Variants in CLDN20 observed in about 807,000 individuals in gnomAD.
CLDN20 encodes the protein claudin-20.
For synonymous variants in CLDN20, 104 were observed against 103.6 expected, an observed-to-expected ratio of 1.00 and a Z score of -0.03; for missense variants, 258 against 267.9, an observed-to-expected ratio of 0.96 and a Z score of 0.26.
In CLDN20 at chr6:155,275,632, C is replaced by A; in HGVS notation, c.-88C>A. On this transcript the variant is annotated 5_prime_UTR_variant, in exon 2 of 2. Coordinates refer to ENST00000367165, the MANE Select transcript of CLDN20 (RefSeq NM_001001346.3). Reference sequence around the variant, plus strand: ...TTTCCTTAGGCTTTGTTATTTGGTTCTCTACTGCACAGAAATAGATAGAAT... The same window carrying A: ...TTTCCTTAGGCTTTGTTATTTGGTTATCTACTGCACAGAAATAGATAGAAT... 1 of 1,305,436 alleles carries A rather than the reference C, an allele frequency of 7.7e-7. No individual in the cohort carries two copies. The highest frequency in any genetic ancestry group is 1.1e-6 in the Non-Finnish European group (1 of 939,832). 80.9% of individuals were successfully genotyped at this position (1,305,436 alleles called of 1,614,324 possible). A position where few individuals can be genotyped will look rare whatever the true frequency, so the allele number is the denominator to read the frequency against.
chr6:155,267,803 AAGTTC>A (rs1784729829), intron 1 of CLDN20, among the ~76,000 whole-genome samples: 1 of 152,238 alleles, frequency 6.6e-6, no homozygotes, highest in African/African-American at 2.4e-5. Flanking sequence ...CAGCCAAGAA[AAGTTC>A]AGTTTGAAGG....
intron 1 of CLDN20, among the ~76,000 whole-genome samples, chr6:155,272,516 C>T (rs1183236377): frequency 6.6e-6 from 1 of 151,752 alleles, no homozygotes; most frequent in African/African-American, 2.4e-5. Flanking sequence ...CACAGTATTT[C>T]TCTACCACCA....
intron 1 of CLDN20, among the ~76,000 whole-genome samples, chr6:155,270,030 G>C (rs1784850628): frequency 6.6e-6 from 1 of 152,228 alleles, no homozygotes. Context: ...CAGAAGAGGA[G>C]CTCAGAGGTG....
In CLDN20 at chr6:155,273,221, G is replaced by C. The variant is rs1351677894; in HGVS notation, c.-104-2395G>C. Among the ~76,000 whole-genome samples, 6 of 152,174 alleles carry C rather than the reference G, an allele frequency of 3.9e-5. No individual in the cohort carries two copies. In the East Asian group the frequency reaches 1.2e-3, roughly 29 times the overall value. On this transcript the variant is annotated intron_variant, in intron 1 of 1. Transcript: ENST00000367165. ...TATTTTGGTCTAAGTTTGGAAAACAGAAAAGAAACTGTATGATAGCAGGTG... is the reference window on the plus strand; with the variant it reads ...TATTTTGGTCTAAGTTTGGAAAACACAAAAGAAACTGTATGATAGCAGGTG...
intron 1 of CLDN20, among the ~76,000 whole-genome samples, chr6:155,273,317 T>C (rs775536078): frequency 2.0e-5 from 3 of 152,230 alleles, no homozygotes; most frequent in Non-Finnish European, 2.9e-5. Flanking sequence ...GAAATCCTTT[T>C]CTAAAATGGT....
intron 1 of CLDN20, among the ~76,000 whole-genome samples, chr6:155,271,150 A>G (rs1332671573): frequency 6.6e-6 from 1 of 152,276 alleles, no homozygotes; most frequent in East Asian, 1.9e-4. Flanking sequence ...AAATGATTAA[A>G]GTCTAACATG....
intron 1 of CLDN20, among the ~76,000 whole-genome samples, chr6:155,267,381 T>C (rs951762787): frequency 6.6e-6 from 1 of 152,238 alleles, no homozygotes; most frequent in Non-Finnish European, 1.5e-5. Flanking sequence ...AATGTTTTAT[T>C]TGGGAAGCAA....
In CLDN20 at chr6:155,276,158, T is replaced by C. The variant is rs1427595601; in HGVS notation, c.439T>C (p.Phe147Leu). ...VWYTKEIIAN[F>L]LDLTVPESNK... is the part of the protein sequence containing the mutation. ...GTACACAAAGGAGATCATAGCAAAC[T>C]TTCTGGATCTGACAGTTCCAGAAAG... is the stretch of plus-strand genomic sequence containing the variant. Residue 147 changes from phenylalanine to leucine, a missense_variant, in exon 2 of 2, where the codon TTT (phenylalanine) becomes CTT (leucine). Coordinates refer to ENST00000367165, the MANE Select transcript of CLDN20 (RefSeq NM_001001346.3). 3 of 1,614,176 alleles carry C rather than the reference T, an allele frequency of 1.9e-6. No individual in the cohort carries two copies. In the East Asian group the frequency reaches 6.7e-5, roughly 36 times the overall value.
At chr6:155,274,167 C>G (rs961145569) in intron 1 of CLDN20, among the ~76,000 whole-genome samples, 2 of 152,206 alleles carry the variant, frequency 1.3e-5, no homozygotes, top group African/African-American at 4.8e-5. Context: ...GCCTGTATCA[C>G]CTTTTGTAAA....
In CLDN20 at chr6:155,269,601, T is replaced by C. The variant is rs143038263; in HGVS notation, c.-105+5313T>C. On this transcript the variant is annotated intron_variant, in intron 1 of 1. Coordinates refer to ENST00000367165, the MANE Select transcript of CLDN20 (RefSeq NM_001001346.3). ...CCTCCCAAAGTGTTGGGATTACAGG[T>C]GTGAGCCACCACGCCCGGCCAGTTT... 1.4e-3 allele frequency among the ~76,000 whole-genome samples: 213 copies of C among 152,186 alleles called. 1 individual carries two copies. Among genetic ancestry groups the C allele is most frequent in the African/African-American group, 4.9e-3 (203 of 41,504 alleles).
chr6:155,274,097 G>T (rs79829021), intron 1 of CLDN20, among the ~76,000 whole-genome samples: 1 of 152,258 alleles, frequency 6.6e-6, no homozygotes, highest in East Asian at 1.9e-4. Flanking sequence ...TCCAGAAGAG[G>T]ATACTGAGGC....
rs112181141 is a variant in CLDN20, at chr6:155,275,999, G to A, written c.280G>A (p.Gly94Arg). 734 of 1,614,166 alleles carry A rather than the reference G, an allele frequency of 4.5e-4. 5 individuals carry two copies. The African/African-American group carries it at 8.5e-3, about 19-fold the overall frequency. Residue 94 changes from glycine to arginine, a missense_variant, in exon 2 of 2, where the codon GGG becomes AGG. Transcript: ENST00000367165. ...CCTGGCGTGTGTTCTGTCTGCTTTG[G>A]GGATCTGCACTTCCACAGTAGGAAT... The part of the protein sequence containing the change: ...MVLACVLSAL[G>R]ICTSTVGMKC...
At chr6:155,275,081 C>G (rs1331457831) in intron 1 of CLDN20, among the ~76,000 whole-genome samples, 4 of 151,704 alleles carry the variant, frequency 2.6e-5, no homozygotes, top group Non-Finnish European at 2.9e-5. Context: ...AAAAAATTAG[C>G]CGGGCATGGT....
intron 1 of CLDN20, among the ~76,000 whole-genome samples, chr6:155,274,463 A>G (rs1425417631): frequency 6.6e-6 from 1 of 152,226 alleles, no homozygotes; most frequent in African/African-American, 2.4e-5. Flanking sequence ...ATCCTTTCAC[A>G]TACAACTAAT....
chr6:155,273,150 G>A (rs999668781), intron 1 of CLDN20, among the ~76,000 whole-genome samples: 8 of 152,172 alleles, frequency 5.3e-5, no homozygotes, highest in African/African-American at 1.2e-4. Context: ...TTACAAAACT[G>A]TAAACATGTG....
At chr6:155,274,966 C>A (rs1359676265) in intron 1 of CLDN20, among the ~76,000 whole-genome samples, 1 of 152,164 alleles carries the variant, frequency 6.6e-6, no homozygotes, top group Non-Finnish European at 1.5e-5. Context: ...CGCCTGTAAT[C>A]CCAGCACTTC....
At chr6:155,268,956 A>C (rs1015931337) in intron 1 of CLDN20, among the ~76,000 whole-genome samples, 1 of 136,152 alleles carries the variant, frequency 7.3e-6, no homozygotes, top group African/African-American at 2.8e-5. Flanking sequence ...TAAAAAAAAA[A>C]AAAAGAAAAA....
chr6:155,269,948 A>G (rs1469014647), intron 1 of CLDN20, among the ~76,000 whole-genome samples: 1 of 152,270 alleles, frequency 6.6e-6, no homozygotes, highest in East Asian at 1.9e-4. Flanking sequence ...ATCAGTGATG[A>G]ACGAAACAGA....
At chr6:155,265,741 A>T (rs925385815) in intron 1 of CLDN20, among the ~76,000 whole-genome samples, 1 of 145,750 alleles carries the variant, frequency 6.9e-6, no homozygotes, top group African/African-American at 2.5e-5. Context: ...TATATATTAT[A>T]TATAATATAT....
Sources: allele counts gnomAD v4.1 joint callset (sites outside exome capture counted in the v4.1 genomes callset), GRCh38; gene constraint gnomAD v4.1.1; transcripts MANE v1.5; gene names NCBI Gene and HGNC (gene_info 2026-07-23, HGNC 2026-07-21).